The following TAFA5 variants were observed in gnomAD, a reference collection of about 807,000 sequenced individuals.
TAFA5 encodes TAFA chemokine like family member 5.
Under a neutral mutation model 15.3 loss-of-function variants are expected in TAFA5, and 6 were observed. The ratio of observed to expected loss-of-function variants is 0.39; its 90% confidence interval spans 0.21 to 0.77. The LOEUF is 0.77. Among genes scored for constraint, TAFA5 ranks in the 30% least tolerant of loss-of-function variants. The pLI, the probability that TAFA5 is intolerant of heterozygous loss-of-function variation, is 0.41. For missense variants in TAFA5, 161 were observed against 193.1 expected (o/e 0.83, Z 0.98); for synonymous variants, 103 against 80.7 (o/e 1.28, Z -1.48).
intron 3 of TAFA5, among the ~76,000 whole-genome samples, chr22:48,738,946 A>G (rs1044060725): frequency 6.6e-6 from 1 of 152,236 alleles, no homozygotes; most frequent in Non-Finnish European, 1.5e-5. Context: ...CCACTGGATT[A>G]TAAACCAAGC....
chr22:48,512,038 C>T (rs542469561), intron 1 of TAFA5, among the ~76,000 whole-genome samples: 36 of 152,290 alleles, frequency 2.4e-4, no homozygotes, highest in African/African-American at 6.5e-4. Context: ...CTGATGGCCA[C>T]GGTTCAGGCG....
At chr22:48,646,011 C>T (rs1601640119) in intron 1 of TAFA5, among the ~76,000 whole-genome samples, 1 of 152,294 alleles carries the variant, frequency 6.6e-6, no homozygotes, top group East Asian at 1.9e-4. Flanking sequence ...ATCCTGAACC[C>T]TTTGGCATCG....
In TAFA5 at chr22:48,497,114, G is replaced by T. The variant is rs537400859; in HGVS notation, c.112+7410G>T. The stretch of plus-strand genomic sequence containing the variant: ...TCCCGGTGCCAGCTCCACTCCCCAC[G>T]GGCTCGGGGCTCCCCAGCAGTGGCC... On this transcript the variant is annotated intron_variant, in intron 1 of 3. Transcript: ENST00000402357. Among the ~76,000 whole-genome samples, 840 of 152,276 alleles carry T rather than the reference G, an allele frequency of 5.5e-3. 2 individuals carry two copies. Among genetic ancestry groups the T allele is most frequent in the Admixed American group, 9.6e-3 (147 of 15,310 alleles).
At chr22:48,637,243 C>T (rs73429954) in intron 1 of TAFA5, among the ~76,000 whole-genome samples, 2,004 of 152,260 alleles carry the variant, frequency 0.013, 34 homozygotes, top group African/African-American at 0.046. Flanking sequence ...TGTGTGCATG[C>T]GTGTACCTCA....
At chr22:48,630,803 G>GTCT (rs1926195835) in intron 1 of TAFA5, among the ~76,000 whole-genome samples, 1 of 37,466 alleles carries the variant, frequency 2.7e-5, no homozygotes, top group Non-Finnish European at 4.1e-5. Context: ...TCGGCTGTGG[G>GTCT]GCTTTTGTTT....
chr22:48,572,794 G>A (rs1452980408), intron 1 of TAFA5, among the ~76,000 whole-genome samples: 4 of 152,194 alleles, frequency 2.6e-5, no homozygotes, highest in Admixed American at 1.3e-4. Context: ...GTCTAGTAGT[G>A]GGACGACCAT....
chr22:48,589,986 C>CGTGTGTGTGTGT (rs35969553), intron 1 of TAFA5, among the ~76,000 whole-genome samples: 163 of 149,766 alleles, frequency 1.1e-3, no homozygotes, highest in African/African-American at 2.7e-3. Flanking sequence ...TTGCAGCCGA[C>CGTGTGTGTGTGT]GTGTGTGTGT....
intron 1 of TAFA5, among the ~76,000 whole-genome samples, chr22:48,603,335 A>G (rs1480956354): frequency 2.0e-5 from 3 of 152,206 alleles, no homozygotes; most frequent in Non-Finnish European, 4.4e-5. Flanking sequence ...GACAGATGAG[A>G]TGCCCACCTG....
intron 1 of TAFA5, among the ~76,000 whole-genome samples, chr22:48,615,240 G>A (rs1311828170): frequency 6.6e-6 from 1 of 152,162 alleles, no homozygotes; most frequent in Non-Finnish European, 1.5e-5. Context: ...TAATTAGCAC[G>A]AATCTGCAGC....
intron 2 of TAFA5, among the ~76,000 whole-genome samples, chr22:48,656,139 G>A (rs5771687): frequency 0.65 from 98,597 of 151,558 alleles, 32,783 homozygotes; most frequent in South Asian, 0.77. Context: ...ACCACGCCCG[G>A]CCGACGCTGA....
intron 3 of TAFA5, among the ~76,000 whole-genome samples, chr22:48,733,977 T>C (rs1929939643): frequency 6.6e-6 from 1 of 152,164 alleles, no homozygotes. Context: ...ACAGTGTTGG[T>C]CAGGATGGGA....
chr22:48,620,220 A>T (rs1254252461), intron 1 of TAFA5, among the ~76,000 whole-genome samples: 2 of 151,754 alleles, frequency 1.3e-5, no homozygotes, highest in Admixed American at 1.3e-4. Context: ...CTCTCTGGTG[A>T]ACTCCAGCCA....
chr22:48,644,325 C>A (rs1402205213), intron 1 of TAFA5, among the ~76,000 whole-genome samples: 2 of 152,304 alleles, frequency 1.3e-5, no homozygotes, highest in East Asian at 3.9e-4. Context: ...CAGCATCCTT[C>A]CTGTGAACTT....
At chr22:48,623,404 G>A (rs945297579) in intron 1 of TAFA5, among the ~76,000 whole-genome samples, 1 of 142,604 alleles carries the variant, frequency 7.0e-6, no homozygotes, top group African/African-American at 2.6e-5. Flanking sequence ...GACGTGTCGC[G>A]TGGCCCTGCG....
intron 1 of TAFA5, among the ~76,000 whole-genome samples, chr22:48,574,600 A>G (rs900605593): frequency 2.0e-5 from 3 of 152,140 alleles, no homozygotes; most frequent in South Asian, 2.1e-4. Context: ...TGTGAACCAC[A>G]TGCACCGCGG....
At chr22:48,691,385 G>A (rs9628601) in intron 2 of TAFA5, among the ~76,000 whole-genome samples, 33,659 of 152,218 alleles carry the variant, frequency 0.22, 4,080 homozygotes, top group South Asian at 0.34. Context: ...TCATCCTCCC[G>A]GTCTTTACTG....
At chr22:48,655,478 C>T (rs1601647177) in intron 2 of TAFA5, among the ~76,000 whole-genome samples, 1 of 152,148 alleles carries the variant, frequency 6.6e-6, no homozygotes, top group South Asian at 2.1e-4. Context: ...TCCAGAGAGG[C>T]AGAACGCTCC....
intron 1 of TAFA5, chr22:48,547,128 A>C (rs981285000): frequency 2.6e-5 from 4 of 152,500 alleles, no homozygotes; most frequent in African/African-American, 9.6e-5. Flanking sequence ...AAATGATCAA[A>C]ACGTCTGATG....
intron 1 of TAFA5, among the ~76,000 whole-genome samples, chr22:48,512,691 C>T (rs1285508184): frequency 4.6e-5 from 7 of 151,092 alleles, no homozygotes; most frequent in African/African-American, 7.3e-5. Flanking sequence ...GAGGCCGAGG[C>T]GGGTGGATCA....
Sources: allele counts gnomAD v4.1 joint callset (sites outside exome capture counted in the v4.1 genomes callset), GRCh38; gene constraint gnomAD v4.1.1; transcripts MANE v1.5; gene names NCBI Gene and HGNC (gene_info 2026-07-23, HGNC 2026-07-21).